CMTM6: variants seen among roughly 807,000 people sequenced by gnomAD.
The protein encoded by CMTM6 is CKLF like MARVEL transmembrane domain containing 6.
CMTM6 carries 5 observed loss-of-function variants against 13.6 expected under a neutral mutation model. The ratio of observed to expected loss-of-function variants is 0.37; its 90% CI spans 0.19 to 0.77. CMTM6 has a LOEUF of 0.77. Among genes scored for constraint, CMTM6 ranks in the 30% least tolerant of loss-of-function variants. The pLI is 0.50. For missense variants in CMTM6, 196 were observed against 218.6 expected, an observed-to-expected ratio of 0.90 and a Z score of 0.65; for synonymous variants, 99 against 84.5, an observed-to-expected ratio of 1.17 and a Z score of -0.94.
At chr3:32,485,442 A>T (rs1008350159) in intron 3 of CMTM6, among the ~76,000 whole-genome samples, 1 of 152,000 alleles carries the variant, frequency 6.6e-6, no homozygotes, top group African/African-American at 2.4e-5. Context: ...CTGGAACTCA[A>T]TTTTTCCTCA....
chr3:32,502,426 C>A (rs2125660975), intron 1 of CMTM6, among the ~76,000 whole-genome samples, 182 bp downstream of exon 1: 1 of 152,324 alleles, frequency 6.6e-6, no homozygotes, highest in East Asian at 1.9e-4. Flanking sequence ...GACTGAGGGG[C>A]CGCCCGGCGG....
chr3:32,502,788 T>C lies in CMTM6; in HGVS notation c.-43A>G, dbSNP rs2125661223. 1.4e-6 allele frequency: 2 copies of C among 1,395,868 alleles called. No individual in the cohort carries two copies. The highest frequency in any genetic ancestry group is 1.9e-6 in the Non-Finnish European group (2 of 1,075,200). 86.5% of individuals were successfully genotyped at this position (1,395,868 alleles called of 1,614,324 possible). Reference sequence around the variant, plus strand: ...CGCGGCGGCCGCAGCAACCGCGCCGTTGACTTCTCGGACTCCAGAAGTCCC... The same window carrying C: ...CGCGGCGGCCGCAGCAACCGCGCCGCTGACTTCTCGGACTCCAGAAGTCCC... On this transcript the variant is annotated 5_prime_UTR_variant, in exon 1 of 4. Coordinates refer to ENST00000205636, the MANE Select transcript of CMTM6 (RefSeq NM_017801.3).
At chr3:32,487,816 C>G (rs531942803) in intron 3 of CMTM6, 122 bp downstream of exon 3, 5 of 594,326 alleles carry the variant, frequency 8.4e-6, no homozygotes, top group African/African-American at 1.9e-5. Context: ...TTCAAAATTA[C>G]ACTAAAAAGT....
rs963003921 is a variant in CMTM6, at chr3:32,482,082, T to G, written c.*1878A>C. ...TAGTCTACCTACCATAAACTCGTTTTCTGAATCAGTCCTTATTCATAATTA... is the reference window on the plus strand; with the variant it reads ...TAGTCTACCTACCATAAACTCGTTTGCTGAATCAGTCCTTATTCATAATTA... On this transcript the variant is annotated 3_prime_UTR_variant, in exon 4 of 4. Transcript: ENST00000205636. 2 of 152,250 alleles carry G rather than the reference T, an allele frequency of 1.3e-5. No individual in the cohort carries two copies. Among genetic ancestry groups the G allele is most frequent in the Non-Finnish European group, 2.9e-5 (2 of 68,046 alleles). 9.4% of individuals were successfully genotyped at this position (152,250 alleles called of 1,614,324 possible).
intron 2 of CMTM6, among the ~76,000 whole-genome samples, chr3:32,490,735 TA>T (rs951277666): frequency 7.2e-5 from 11 of 152,278 alleles, no homozygotes; most frequent in Non-Finnish European, 1.6e-4. Context: ...AGCATTAAAA[TA>T]AAAACTAAAC....
In CMTM6 at chr3:32,491,612, T is replaced by C. The variant is rs886774362; in HGVS notation, c.315+98A>G. 24 of 1,077,100 alleles carry C rather than the reference T, an allele frequency of 2.2e-5. 1 individual carries two copies. The highest frequency in any genetic ancestry group is 1.9e-4 in the African/African-American group (12 of 62,836). 66.7% of individuals were successfully genotyped at this position (1,077,100 alleles called of 1,614,324 possible). A position where few individuals can be genotyped will look rare whatever the true frequency, so the allele number is the denominator to read the frequency against. On this transcript the variant is annotated intron_variant, in intron 2 of 3. Transcript: ENST00000205636. ...TGGAACAAGGGATACTGTCTTTTCA[T>C]GTTGCTGAGTTTTGAAAACATTACT...
At chr3:32,487,488 C>G (rs1482971403) in intron 3 of CMTM6, among the ~76,000 whole-genome samples, 1 of 152,128 alleles carries the variant, frequency 6.6e-6, no homozygotes, top group Non-Finnish European at 1.5e-5. Flanking sequence ...AGCCACGGCA[C>G]CCAGTCTCAG....
intron 1 of CMTM6, among the ~76,000 whole-genome samples, chr3:32,499,609 T>C (rs751366124): frequency 5.3e-5 from 8 of 152,180 alleles, no homozygotes; most frequent in Non-Finnish European, 8.8e-5. Context: ...CTAAGGATAG[T>C]ATAAACTGAA....
At chr3:32,493,900 G>A (rs1697269217) in intron 1 of CMTM6, among the ~76,000 whole-genome samples, 1 of 152,158 alleles carries the variant, frequency 6.6e-6, no homozygotes, top group Non-Finnish European at 1.5e-5. Flanking sequence ...AGGGAGAGAA[G>A]CTCGATTACA....
At chr3:32,499,705 G>A (rs1396592473) in intron 1 of CMTM6, among the ~76,000 whole-genome samples, 1 of 152,146 alleles carries the variant, frequency 6.6e-6, no homozygotes, top group Non-Finnish European at 1.5e-5. Flanking sequence ...AGGGTGGATG[G>A]TAGTTGGGGG....
chr3:32,488,742 A>G (rs1310440502), intron 2 of CMTM6, among the ~76,000 whole-genome samples: 1 of 152,240 alleles, frequency 6.6e-6, no homozygotes, highest in Non-Finnish European at 1.5e-5. Context: ...TATCTACTAC[A>G]TAAAAGCTTC....
Position 32,491,735 on chromosome 3 carries a change from A to G in CMTM6, c.290T>C (p.Val97Ala). The change falls in exon 2 of 4, where the codon GTT (valine) becomes GCT (alanine). Residue 97 changes from valine to alanine, a missense_variant. Coordinates refer to ENST00000205636, the MANE Select transcript of CMTM6 (RefSeq NM_017801.3). The stretch of plus-strand genomic sequence containing the variant: ...CGATGATTTTACTTTTGTGGTATCA[A>G]CTCTCTCATAAAATGGAGTGCAATA... ...IVYCTPFYER[V>A]DTTKVKSSDF... The G allele has an allele frequency of 2.5e-6, 4 of 1,602,210 alleles. No individual in the cohort carries two copies. Among genetic ancestry groups the G allele is most frequent in the Non-Finnish European group, 3.4e-6 (4 of 1,175,202 alleles).
rs894793861 is a variant in CMTM6 at position 32,483,194 on chromosome 3, G to A, written c.*766C>T. On this transcript the variant is annotated 3_prime_UTR_variant, in exon 4 of 4. Coordinates refer to ENST00000205636, the MANE Select transcript of CMTM6 (RefSeq NM_017801.3). Reference sequence around the variant, plus strand: ...AGTCTTTCTTATCTTTGGTCCTTAGGTGTGGTATCAGTTTCTTCCATTTTT... The same window carrying A: ...AGTCTTTCTTATCTTTGGTCCTTAGATGTGGTATCAGTTTCTTCCATTTTT... 1 of 152,518 alleles carries A rather than the reference G, an allele frequency of 6.6e-6. No homozygotes were observed. Among genetic ancestry groups the A allele is most frequent in the Non-Finnish European group, 1.5e-5 (1 of 68,004 alleles). The allele number at this position is 152,518 out of a possible 1,614,324, so 9.4% of individuals were successfully genotyped here. A position where few individuals can be genotyped will look rare whatever the true frequency, so the allele number is the denominator to read the frequency against.
rs1416847642 is a variant in CMTM6 at position 32,502,757 on chromosome 3, G to A, written c.-12C>T. ...GCTCCGTTCTCCATCGCCTCGGGCCGGGGAGCGCGGCGGCCGCAGCAACCG... is the reference window on the plus strand; with the variant it reads ...GCTCCGTTCTCCATCGCCTCGGGCCAGGGAGCGCGGCGGCCGCAGCAACCG... On this transcript the variant is annotated 5_prime_UTR_variant, in exon 1 of 4. Transcript: ENST00000205636. 4.9e-6 allele frequency: 7 copies of A among 1,420,072 alleles called. No individual in the cohort carries two copies. Among genetic ancestry groups the A allele is most frequent in the African/African-American group, 1.5e-5 (1 of 66,380 alleles). 88.0% of individuals were successfully genotyped at this position (1,420,072 alleles called of 1,614,324 possible).
chr3:32,486,267 C>G (rs1697203993), intron 3 of CMTM6, among the ~76,000 whole-genome samples: 1 of 152,206 alleles, frequency 6.6e-6, no homozygotes. Flanking sequence ...GCTAGTCATT[C>G]AAGTTCACAG....
Position 32,502,819 on chromosome 3 carries a change from G to A in CMTM6, c.-74C>T, listed in dbSNP as rs1301217542. Reference sequence around the variant, plus strand: ...TCTCGGACTCCAGAAGTCCCCGGTAGCCGGGAGGCGGCCGTCACTTCCTGG... The same window carrying A: ...TCTCGGACTCCAGAAGTCCCCGGTAACCGGGAGGCGGCCGTCACTTCCTGG... On this transcript the variant is annotated 5_prime_UTR_variant, in exon 1 of 4. Coordinates refer to ENST00000205636, the MANE Select transcript of CMTM6 (RefSeq NM_017801.3). 3.0e-6 allele frequency: 4 copies of A among 1,352,364 alleles called. No homozygotes were observed. The highest frequency in any genetic ancestry group is 2.9e-6 in the Non-Finnish European group (3 of 1,052,140). 83.8% of individuals were successfully genotyped at this position (1,352,364 alleles called of 1,614,324 possible). A position where few individuals can be genotyped will look rare whatever the true frequency, so the allele number is the denominator to read the frequency against.
chr3:32,490,041 T>C (rs1697237832), intron 2 of CMTM6, among the ~76,000 whole-genome samples: 2 of 151,946 alleles, frequency 1.3e-5, no homozygotes, highest in Admixed American at 1.3e-4. Flanking sequence ...AGGTCAGGAG[T>C]TTGAGACCAG....
Position 32,482,773 on chromosome 3 carries a change from A to G in CMTM6, c.*1187T>C, listed in dbSNP as rs1697166987. 6.7e-6 allele frequency: 1 copy of G among 149,840 alleles called. No homozygotes were observed. The highest frequency in any genetic ancestry group is 6.6e-5 in the Admixed American group (1 of 15,052). The allele number at this position is 149,840 out of a possible 1,614,324, so 9.3% of individuals were successfully genotyped here. Reference sequence around the variant, plus strand: ...ACTAGAGCAATGCCTATGTAAGAACAAGGACTCTCAAGATCCTGCTACACA... The same window carrying G: ...ACTAGAGCAATGCCTATGTAAGAACGAGGACTCTCAAGATCCTGCTACACA... On this transcript the variant is annotated 3_prime_UTR_variant, in exon 4 of 4. Transcript: ENST00000205636.
Position 32,502,673 on chromosome 3 carries a change from G to A in CMTM6, c.73C>T (p.Leu25Phe), listed in dbSNP as rs767624070. Residue 25 changes from leucine (L) to phenylalanine (F), a missense_variant, in exon 1 of 4, where the codon CTC becomes TTC. Transcript: ENST00000205636. ...CGGCCCATGAAAAAGTAGGCAGCGAGGCCGCTCCGGGGGCCTCTGGCGGGG... is the reference window on the plus strand; with the variant it reads ...CGGCCCATGAAAAAGTAGGCAGCGAAGCCGCTCCGGGGGCCTCTGGCGGGG... ...PGPARGPRSGLAAYFFMGRLP... is the reference protein window; with the variant it reads ...PGPARGPRSGFAAYFFMGRLP... The A allele has an allele frequency of 1.3e-6, 2 of 1,589,078 alleles. No individual in the cohort carries two copies. The highest frequency in any genetic ancestry group is 1.7e-5 in the Admixed American group (1 of 57,224).
Sources: allele counts gnomAD v4.1 joint callset (sites outside exome capture counted in the v4.1 genomes callset), GRCh38; gene constraint gnomAD v4.1.1; transcripts MANE v1.5; gene names NCBI Gene and HGNC (gene_info 2026-07-23, HGNC 2026-07-21).